HADHB: variants seen among roughly 807,000 people sequenced by gnomAD.
HADHB encodes the protein trifunctional enzyme subunit beta, mitochondrial.
HADHB carries 50 observed loss-of-function variants against 61.9 expected under a neutral mutation model. The ratio of observed to expected loss-of-function variants is 0.81; its 90% CI spans 0.64 to 1.02. The LOEUF (loss-of-function observed/expected upper bound fraction) is 1.02, where lower values mean the gene tolerates loss of function less well. Ranked by LOEUF, HADHB falls within the 50% of genes least tolerant of loss-of-function variation. The probability of loss-of-function intolerance (pLI) is 0.00; values close to 1 mark genes in which losing one functional copy is unlikely to be tolerated. For synonymous variants in HADHB, 191 were observed against 201.6 expected (o/e 0.95, Z 0.45); for missense variants, 504 against 586.5 (o/e 0.86, Z 1.45).
At chr2:26,270,652 T>C (rs1424576730) in intron 5 of HADHB, among the ~76,000 whole-genome samples, 1 of 152,176 alleles carries the variant, frequency 6.6e-6, no homozygotes, top group Non-Finnish European at 1.5e-5. Flanking sequence ...AATTGTATAA[T>C]CATTATTTCC....
chr2:26,252,691 A>T (rs1442679467), intron 1 of HADHB, among the ~76,000 whole-genome samples: 1 of 152,230 alleles, frequency 6.6e-6, no homozygotes, highest in Non-Finnish European at 1.5e-5. Context: ...ACAGCTGCAT[A>T]GTATTTCACA....
Position 26,278,703 on chromosome 2 carries a change from A to T in HADHB, c.532A>T (p.Lys178Ter). 6.2e-7 allele frequency: 1 copy of T among 1,614,030 alleles called. No individual in the cohort carries two copies. Among genetic ancestry groups the T allele is most frequent in the East Asian group, 2.2e-5 (1 of 44,890 alleles). ...CGATGTCCCTATTCGTCACTCAAGG[A>T]AAATGAGAAAACTGATGCTTGATCT... The part of the protein sequence containing the change: ...MSDVPIRHSR[K>*]MRKLMLDLNK... Residue 178 changes from lysine (K) to a stop codon, truncating the protein, a stop_gained, in exon 8 of 16, where the codon AAA (lysine) becomes TAA (stop). Coordinates refer to ENST00000317799, the MANE Select transcript of HADHB (RefSeq NM_000183.3). LOFTEE classifies it high-confidence loss of function.
chr2:26,249,452 A>C (rs547056777), intron 1 of HADHB, among the ~76,000 whole-genome samples: 1 of 152,236 alleles, frequency 6.6e-6, no homozygotes, highest in South Asian at 2.1e-4. Flanking sequence ...CAGAGGTTGC[A>C]GTGAGCCAAG....
At position 26,269,042 on chromosome 2, in the gene HADHB, G is replaced by A. The variant is rs550982664; in HGVS notation, c.210-911G>A. Among the ~76,000 whole-genome samples the A allele has an allele frequency of 4.5e-3, 686 of 151,908 alleles. 4 individuals are homozygous for A. Among genetic ancestry groups the A allele is most frequent in the Admixed American group, 7.2e-3 (110 of 15,240 alleles). On this transcript the variant is annotated intron_variant, in intron 4 of 15. Coordinates refer to ENST00000317799, the MANE Select transcript of HADHB (RefSeq NM_000183.3). ...TGGGTGCCCGTAATCCCAGCTATTC[G>A]GGAAGCTGAGGCAGGAGAATTGCTT...
At chr2:26,255,697 G>A (rs1377263737) in intron 3 of HADHB, among the ~76,000 whole-genome samples, 2 of 152,114 alleles carry the variant, frequency 1.3e-5, no homozygotes, top group Non-Finnish European at 2.9e-5. Context: ...ATATAGTTAT[G>A]AGATATCTCA....
At chr2:26,254,038 G>T (rs1185222239) in intron 1 of HADHB, among the ~76,000 whole-genome samples, 1 of 152,044 alleles carries the variant, frequency 6.6e-6, no homozygotes, top group Admixed American at 6.6e-5. Flanking sequence ...AAGATTAGAT[G>T]GTTAATGCTT....
intron 4 of HADHB, 145 bp downstream of exon 4, chr2:26,263,624 T>G: frequency 1.4e-6 from 1 of 700,466 alleles, no homozygotes; most frequent in South Asian, 1.5e-5. Flanking sequence ...ATAGAATAAG[T>G]CAAGACAGTG....
At chr2:26,281,251 T>C (rs1672775427) in intron 10 of HADHB, among the ~76,000 whole-genome samples, 1 of 152,196 alleles carries the variant, frequency 6.6e-6, no homozygotes, top group Admixed American at 6.5e-5. Flanking sequence ...TCTTACCACC[T>C]TGGGTATAGT....
At position 26,284,095 on chromosome 2, in the gene HADHB, ATTAC is replaced by A. The variant is rs763344015; in HGVS notation, c.1062-18_1062-15del. 5 of 1,366,732 alleles carry A rather than the reference ATTAC, an allele frequency of 3.7e-6. No homozygotes were observed. Among genetic ancestry groups the A allele is most frequent in the Admixed American group, 3.3e-5 (2 of 59,710 alleles). The allele number at this position is 1,366,732 out of a possible 1,614,324, so 84.7% of individuals were successfully genotyped here. On this transcript the variant is annotated intron_variant, in intron 12 of 15. Transcript: ENST00000317799. ...AGTTTAAAAATTAAAGTTTTAAGATATTACTTATTTTTTCTTTGCAGACCAACAT... is the reference window on the plus strand; with the variant it reads ...AGTTTAAAAATTAAAGTTTTAAGATATTATTTTTTCTTTGCAGACCAACAT...
intron 6 of HADHB, 39 bp downstream of exon 6, chr2:26,273,789 G>C (rs779416042): frequency 2.0e-6 from 2 of 1,000,334 alleles, no homozygotes; most frequent in Non-Finnish European, 3.2e-6. Flanking sequence ...AAGAGTGATA[G>C]GAGAATCACT....
chr2:26,261,230 C>G, intron 3 of HADHB: 1 of 449,868 alleles, frequency 2.2e-6, no homozygotes, highest in Non-Finnish European at 3.9e-6. Flanking sequence ...CCCATCCAGA[C>G]AAACAAAAAA....
At chr2:26,248,479 G>A (rs969974388) in intron 1 of HADHB, among the ~76,000 whole-genome samples, 3 of 151,526 alleles carry the variant, frequency 2.0e-5, no homozygotes, top group African/African-American at 4.9e-5. Context: ...AGTATTTTAC[G>A]CTAGAGACCT....
At position 26,254,227 on chromosome 2, in the gene HADHB, T is replaced by A; in HGVS notation, c.-8-20T>A. ...ATTGTTCAGCTAATCCAGGATATAC[T>A]TTTGTTCTTCTCTTTTTAGATTCCA... On this transcript the variant is annotated intron_variant, in intron 1 of 15. Coordinates refer to ENST00000317799, the MANE Select transcript of HADHB (RefSeq NM_000183.3). 2 of 1,078,972 alleles carry A rather than the reference T, an allele frequency of 1.9e-6. No individual in the cohort carries two copies. Among genetic ancestry groups the A allele is most frequent in the Non-Finnish European group, 2.9e-6 (2 of 699,756 alleles). The allele number at this position is 1,078,972 out of a possible 1,614,324, so 66.8% of individuals were successfully genotyped here.
chr2:26,267,948 T>C (rs975974929), intron 4 of HADHB, among the ~76,000 whole-genome samples: 3 of 151,950 alleles, frequency 2.0e-5, no homozygotes, highest in African/African-American at 7.3e-5. Context: ...GAGACCGGCA[T>C]GGACAAAGTG....
chr2:26,286,177 A>G (rs1673026593), intron 15 of HADHB, among the ~76,000 whole-genome samples: 1 of 152,240 alleles, frequency 6.6e-6, no homozygotes, highest in African/African-American at 2.4e-5. Flanking sequence ...AGAAAAAGTT[A>G]GAATCATCTA....
In HADHB at chr2:26,279,189, C is replaced by G. The variant is rs759136382; in HGVS notation, c.685C>G (p.Arg229Gly). 1 of 1,613,604 alleles carries G rather than the reference C, an allele frequency of 6.2e-7. No homozygotes were observed. The highest frequency in any genetic ancestry group is 1.7e-5 in the Admixed American group (1 of 60,008). ...TGAGACCATGGGCCACTCTGCAGAC[C>G]GACTGGCCGCTGCCTTTGCTGTTTC... ...TSETMGHSAD[R>G]LAAAFAVSRL... Residue 229 changes from arginine to glycine, a missense_variant, in exon 9 of 16, where the codon CGA becomes GGA. Coordinates refer to ENST00000317799, the MANE Select transcript of HADHB (RefSeq NM_000183.3).
chr2:26,287,792 G>C (rs963342346), intron 15 of HADHB, among the ~76,000 whole-genome samples: 1 of 152,126 alleles, frequency 6.6e-6, no homozygotes, highest in African/African-American at 2.4e-5. Context: ...TTGTTTTGGG[G>C]GGCTGTGTGT....
chr2:26,264,965 G>A (rs1335232050), intron 4 of HADHB, among the ~76,000 whole-genome samples: 1 of 151,154 alleles, frequency 6.6e-6, no homozygotes, highest in Non-Finnish European at 1.5e-5. Context: ...ACTCCAGCCT[G>A]GGCAACACAG....
At chr2:26,286,974 C>T (rs561341033) in intron 15 of HADHB, among the ~76,000 whole-genome samples, 20 of 151,326 alleles carry the variant, frequency 1.3e-4, no homozygotes, top group African/African-American at 4.6e-4. Flanking sequence ...GAGGTTGAGG[C>T]GGGTAGGTCA....
Sources: allele counts gnomAD v4.1 joint callset (sites outside exome capture counted in the v4.1 genomes callset), GRCh38; gene constraint gnomAD v4.1.1; transcripts MANE v1.5; gene names NCBI Gene and HGNC (gene_info 2026-07-23, HGNC 2026-07-21).